TMEM143: variants seen among roughly 807,000 people sequenced by gnomAD.
TMEM143 encodes transmembrane protein 143.
Under a neutral mutation model 40.3 loss-of-function variants are expected in TMEM143, and 45 were observed. The ratio of observed to expected loss-of-function variants is 1.12; its 90% confidence interval spans 0.88 to 1.43. The LOEUF (loss-of-function observed/expected upper bound fraction) is 1.43. Among genes scored for constraint, TMEM143 ranks in the 40% most tolerant of loss-of-function variants. The probability of loss-of-function intolerance (pLI) is 0.00; values close to 1 mark genes in which losing one functional copy is unlikely to be tolerated. For missense variants in TMEM143, 620 were observed against 613.4 expected (o/e 1.01, Z -0.11); for synonymous variants, 299 against 282.7 (o/e 1.06, Z -0.58).
At chr19:48,336,718 G>A (rs187079135) in intron 6 of TMEM143, among the ~76,000 whole-genome samples, 142 of 150,698 alleles carry the variant, frequency 9.4e-4, no homozygotes, top group African/African-American at 3.4e-3. Context: ...AAAAGCGGTC[G>A]GGCGCAGTAG....
intron 6 of TMEM143, among the ~76,000 whole-genome samples, chr19:48,336,834 G>A (rs192357870): frequency 6.1e-4 from 92 of 151,574 alleles, no homozygotes; most frequent in African/African-American, 2.1e-3. Flanking sequence ...TGGCTAACAC[G>A]GTGAAACCCT....
chr19:48,349,846 AG>A (rs1969723911), intron 3 of TMEM143, among the ~76,000 whole-genome samples: 1 of 152,110 alleles, frequency 6.6e-6, no homozygotes, highest in African/African-American at 2.4e-5. Flanking sequence ...CCCTGCAGTG[AG>A]GGAAATATTC....
rs8103581 is a variant in TMEM143 at position 48,332,696 on chromosome 19, C to G, written c.*523G>C. On this transcript the variant is annotated 3_prime_UTR_variant, in exon 8 of 8. Coordinates refer to ENST00000293261, the MANE Select transcript of TMEM143 (RefSeq NM_018273.4). Reference sequence around the variant, plus strand: ...TTCCTTTAGAAATTCTTATTGGTTCCTTCCCTGCAGCGACAACCGGCTGCC... The same window carrying G: ...TTCCTTTAGAAATTCTTATTGGTTCGTTCCCTGCAGCGACAACCGGCTGCC... 0.046 allele frequency: 6,955 copies of G among 152,680 alleles called. 331 individuals carry two copies. Among genetic ancestry groups the G allele is most frequent in the Middle Eastern group, 0.12 (35 of 296 alleles). 9.5% of individuals were successfully genotyped at this position (152,680 alleles called of 1,614,324 possible).
chr19:48,344,487 C>T (rs540886050), intron 4 of TMEM143, among the ~76,000 whole-genome samples: 1 of 152,152 alleles, frequency 6.6e-6, no homozygotes, highest in East Asian at 1.9e-4. Flanking sequence ...CGGGGTCTCC[C>T]TGTGTCGCCT....
intron 3 of TMEM143, chr19:48,359,854 C>T: frequency 1.9e-6 from 1 of 530,494 alleles, no homozygotes; most frequent in South Asian, 2.3e-5. Flanking sequence ...GTTCATGGCA[C>T]TTATCACCAC....
At chr19:48,361,469 C>T (rs1342270134) in intron 2 of TMEM143, among the ~76,000 whole-genome samples, 1 of 151,896 alleles carries the variant, frequency 6.6e-6, no homozygotes, top group Admixed American at 6.6e-5. Flanking sequence ...CCACCTGCAT[C>T]GACTTCCCAA....
intron 6 of TMEM143, among the ~76,000 whole-genome samples, chr19:48,341,976 A>AG (rs1969496794): frequency 6.6e-6 from 1 of 151,398 alleles, no homozygotes; most frequent in African/African-American, 2.4e-5. Flanking sequence ...GAGAAAACTG[A>AG]GGCTCAGAGA....
chr19:48,355,755 C>G (rs903531287), intron 3 of TMEM143, among the ~76,000 whole-genome samples: 1 of 152,214 alleles, frequency 6.6e-6, no homozygotes, highest in African/African-American at 2.4e-5. Context: ...TGGGAGGGAA[C>G]CTCTAAGCCC....
rs986797445 is a variant in TMEM143 at position 48,360,057 on chromosome 19, G to A, written c.369+15C>T. 1 of 1,611,536 alleles carries A rather than the reference G, an allele frequency of 6.2e-7. No homozygotes were observed. The highest frequency in any genetic ancestry group is 8.5e-7 in the Non-Finnish European group (1 of 1,178,226). ...TCGAACAAGCACCACAGGGCTGGAA[G>A]GGCCCCGTCCTCACCTGCAGCCGGG... On this transcript the variant is annotated intron_variant, in intron 3 of 7. Coordinates refer to ENST00000293261, the MANE Select transcript of TMEM143 (RefSeq NM_018273.4).
intron 2 of TMEM143, 115 bp from the exon 3 acceptor site, chr19:48,360,291 T>C: frequency 9.2e-7 from 1 of 1,091,390 alleles, no homozygotes; most frequent in Non-Finnish European, 1.4e-6. Flanking sequence ...TGAAGTTTTG[T>C]TCTGGGGCTG....
At chr19:48,350,303 G>A (rs967412280) in intron 3 of TMEM143, among the ~76,000 whole-genome samples, 2 of 151,796 alleles carry the variant, frequency 1.3e-5, no homozygotes, top group Non-Finnish European at 2.9e-5. Context: ...GAGCCACTGC[G>A]ACCAGGCTAC....
rs557532015 is a variant in TMEM143, at chr19:48,335,874, A to C, written c.976-1677T>G. On this transcript the variant is annotated intron_variant, in intron 6 of 7. Transcript: ENST00000293261. ...ATACCACTGCACTCCAGGCTGGGCA[A>C]CAGAGTGAGACCCTGTCTCAAAAAA... Among the ~76,000 whole-genome samples the C allele has an allele frequency of 3.6e-4, 55 of 152,260 alleles. 1 individual carries two copies. The highest frequency in any genetic ancestry group is 1.1e-3 in the African/African-American group (44 of 41,550).
intron 3 of TMEM143, among the ~76,000 whole-genome samples, chr19:48,347,978 G>A (rs1305909909): frequency 6.9e-6 from 1 of 144,246 alleles, no homozygotes; most frequent in Non-Finnish European, 1.5e-5. Context: ...CCATGATCGT[G>A]CCACTCCACT....
rs371776234 is a variant in TMEM143 at position 48,342,599 on chromosome 19, G to A, written c.906C>T (p.Thr302=). ...IFVNVGMVVL[T]DLKVATSLLL... ...GCAGGGAGGTGGCCACCTTGAGGTC[G>A]GTTAGCACCACCATGCCCACGTTGA... Residue 302 remains threonine, a synonymous_variant, in exon 6 of 8, where the codon ACC becomes ACT. Transcript: ENST00000293261. The A allele has an allele frequency of 5.6e-6, 9 of 1,612,762 alleles. 1 individual carries two copies. The highest frequency in any genetic ancestry group is 4.5e-5 in the East Asian group (2 of 44,800).
At chr19:48,338,643 G>A (rs1173295789) in intron 6 of TMEM143, among the ~76,000 whole-genome samples, 3 of 152,178 alleles carry the variant, frequency 2.0e-5, no homozygotes, top group Admixed American at 2.0e-4. Context: ...GCCAGCTGCC[G>A]CCTCCATTAC....
chr19:48,348,326 C>T (rs1025125911), intron 3 of TMEM143, among the ~76,000 whole-genome samples: 2 of 152,128 alleles, frequency 1.3e-5, no homozygotes, highest in African/African-American at 4.8e-5. Context: ...CCTTCCCTGT[C>T]ACAATAAATC....
chr19:48,360,236 A>G, intron 2 of TMEM143, 60 bp from the exon 3 acceptor site: 2 of 1,525,392 alleles, frequency 1.3e-6, no homozygotes, highest in Non-Finnish European at 1.8e-6. Flanking sequence ...GAGGGAAAGA[A>G]TTCTTTCCCT....
chr19:48,336,404 AATCCC>A (rs1969367449), intron 6 of TMEM143, among the ~76,000 whole-genome samples: 1 of 152,082 alleles, frequency 6.6e-6, no homozygotes, highest in African/African-American at 2.4e-5. Context: ...AGGCACCTGT[AATCCC>A]AGCTACTTGG....
chr19:48,333,973 G>A lies in TMEM143; in HGVS notation c.1165+35C>T, dbSNP rs1969279334. On this transcript the variant is annotated intron_variant, in intron 7 of 7. Transcript: ENST00000293261. The surrounding 1 kb of genome is among the most constrained non-coding windows in gnomAD (Gnocchi z 4.1). ...TGGGGCGGGGCCTCGCGGGGGTGTG[G>A]CCCCTGGGGGCAGGGTCCCAGGGCC... The A allele has an allele frequency of 6.7e-7, 1 of 1,493,940 alleles. No individual in the cohort carries two copies. The highest frequency in any genetic ancestry group is 1.4e-5 in the African/African-American group (1 of 71,622). 92.5% of individuals were successfully genotyped at this position (1,493,940 alleles called of 1,614,324 possible).
Sources: gnomAD v4.1 joint callset for allele counts (sites outside exome capture counted in the v4.1 genomes callset) on GRCh38, gnomAD v4.1.1 for gene constraint, Gnocchi (gnomAD v3.1) non-coding constraint, MANE v1.5 for transcripts, NCBI Gene and HGNC (gene_info 2026-07-23, HGNC 2026-07-21) for gene names.